Variants in COPA observed in about 807,000 individuals in gnomAD.
COPA encodes coatomer subunit alpha.
COPA carries 10 observed loss-of-function variants against 158.7 expected under a neutral mutation model. The observed-to-expected ratio is 0.06, with a 90% CI of 0.04 to 0.11. The LOEUF is 0.11. Ranked by LOEUF, COPA falls within the 10% of genes least tolerant of loss-of-function variation. The pLI, the probability that COPA is intolerant of heterozygous loss-of-function variation, is 1.00. For synonymous variants in COPA, 462 were observed against 542.8 expected, an observed-to-expected ratio of 0.85 and a Z score of 2.07; for missense variants, 1,065 against 1,536.7, an observed-to-expected ratio of 0.69 and a Z score of 5.13.
chr1:160,338,865 G>C (rs952436093), intron 3 of COPA, among the ~76,000 whole-genome samples: 2 of 151,976 alleles, frequency 1.3e-5, no homozygotes, highest in African/African-American at 4.8e-5. Context: ...CGTACTCCTT[G>C]AGCAATATCT....
intron 15 of COPA, 47 bp downstream of exon 15, chr1:160,306,307 T>C (rs1409773319): frequency 6.6e-7 from 1 of 1,526,208 alleles, no homozygotes; most frequent in Non-Finnish European, 8.8e-7. Context: ...AGATGTCCAC[T>C]CTCCCCAACT....
At chr1:160,341,875 T>C (rs1420684397) in intron 1 of COPA, among the ~76,000 whole-genome samples, 2 of 152,226 alleles carry the variant, frequency 1.3e-5, no homozygotes, top group Non-Finnish European at 2.9e-5. Flanking sequence ...TCAAATATTA[T>C]GACATCTTTG....
intron 3 of COPA, among the ~76,000 whole-genome samples, chr1:160,338,444 A>G (rs1647877179): frequency 1.3e-5 from 2 of 152,220 alleles, no homozygotes; most frequent in Admixed American, 1.3e-4. Flanking sequence ...GTTGCTTATG[A>G]AAAGACTTTA....
intron 1 of COPA, 112 bp from the exon 2 acceptor site, chr1:160,340,406 G>C: frequency 3.0e-6 from 2 of 670,158 alleles, no homozygotes; most frequent in South Asian, 1.8e-5. Context: ...TCATTCATTC[G>C]ACATGCTTGA....
Position 160,290,047 on chromosome 1 carries a change from G to C in COPA, c.*110C>G, listed in dbSNP as rs1381024267. 9.9e-7 allele frequency: 1 copy of C among 1,005,388 alleles called. No homozygotes were observed. The highest frequency in any genetic ancestry group is 1.4e-5 in the South Asian group (1 of 69,210). 62.3% of individuals were successfully genotyped at this position (1,005,388 alleles called of 1,614,324 possible). On this transcript the variant is annotated 3_prime_UTR_variant, in exon 33 of 33. Transcript: ENST00000241704. ...AAGATACTAGGTTTTAGGGTACAGAGAGCCAGATCTGAAGAGTAGCTGCAG... is the reference window on the plus strand; with the variant it reads ...AAGATACTAGGTTTTAGGGTACAGACAGCCAGATCTGAAGAGTAGCTGCAG...
intron 15 of COPA, 69 bp downstream of exon 15, chr1:160,306,284 AG>A: frequency 1.3e-6 from 2 of 1,497,654 alleles, no homozygotes; most frequent in Admixed American, 2.4e-5. Flanking sequence ...TGGGGAAAAA[AG>A]GTTCCCACTA....
chr1:160,306,600 A>G, intron 14 of COPA, 107 bp from the exon 15 acceptor site: 1 of 1,424,440 alleles, frequency 7.0e-7, no homozygotes, highest in African/African-American at 1.4e-5. Context: ...TTAACTAAGT[A>G]TTTTTTGTCC....
intron 3 of COPA, chr1:160,339,363 T>C (rs756253422): frequency 6.6e-6 from 1 of 152,398 alleles, no homozygotes; most frequent in South Asian, 2.1e-4. Flanking sequence ...AAATCTGGTA[T>C]CACTCCTGTA....
chr1:160,304,602 T>G (rs1041827045), intron 17 of COPA, among the ~76,000 whole-genome samples: 2 of 151,912 alleles, frequency 1.3e-5, no homozygotes, highest in African/African-American at 4.8e-5. Context: ...AGGCGGAGGT[T>G]GCAGTGAGCC....
At chr1:160,305,638 G>T in intron 16 of COPA, 50 bp downstream of exon 16, 1 of 1,614,090 alleles carries the variant, frequency 6.2e-7, no homozygotes, top group Non-Finnish European at 8.5e-7. Flanking sequence ...GCAGGGATCG[G>T]GGTGGAAGGG....
chr1:160,342,464 A>T (rs1380618200), intron 1 of COPA, among the ~76,000 whole-genome samples: 1 of 152,170 alleles, frequency 6.6e-6, no homozygotes, highest in Non-Finnish European at 1.5e-5. Flanking sequence ...TAGCAAATAA[A>T]AATACGAGAT....
intron 19 of COPA, 38 bp from the exon 20 acceptor site, chr1:160,297,783 A>G (rs1382281019): frequency 6.3e-7 from 1 of 1,596,528 alleles, no homozygotes; most frequent in Non-Finnish European, 8.5e-7. Context: ...AGGTTGAAGG[A>G]CAATGTGACT....
chr1:160,295,495 G>A lies in COPA; in HGVS notation c.2476+241C>T, dbSNP rs530977567. 6.6e-5 allele frequency among the ~76,000 whole-genome samples: 10 copies of A among 152,238 alleles called. No homozygotes were observed. The East Asian group carries it at 9.6e-4, about 15-fold the overall frequency. On this transcript the variant is annotated intron_variant, in intron 23 of 32. Transcript: ENST00000241704. ...AAGAAAATACACCAAAATATTAACC[G>A]AAGTTATTGATGGTAGTAGAGGGAT...
intron 8 of COPA, among the ~76,000 whole-genome samples, chr1:160,316,377 G>C (rs1345357947): frequency 2.0e-5 from 3 of 150,838 alleles, no homozygotes; most frequent in Non-Finnish European, 4.4e-5. Context: ...AGAAGTCAGA[G>C]GAAAAAATAA....
chr1:160,293,571 T>G (rs1658311581), intron 25 of COPA, 108 bp from the exon 26 acceptor site: 1 of 802,930 alleles, frequency 1.2e-6, no homozygotes, highest in African/African-American at 1.8e-5. Context: ...CTCGGCACAC[T>G]GCAACCTCTG....
chr1:160,332,171 T>C (rs1472091613), intron 6 of COPA, among the ~76,000 whole-genome samples: 1 of 152,234 alleles, frequency 6.6e-6, no homozygotes, highest in African/African-American at 2.4e-5. Context: ...TAATCAAATG[T>C]TGCAACAGTA....
Position 160,305,689 on chromosome 1 carries a change from G to C in COPA, c.1527C>G (p.His509Gln), listed in dbSNP as rs772265510. The C allele has an allele frequency of 1.2e-6, 2 of 1,614,082 alleles. No individual in the cohort carries two copies. The highest frequency in any genetic ancestry group is 1.7e-6 in the Non-Finnish European group (2 of 1,179,932). ...DMSHVALLAK[H>Q]AIVICNRKLD... ...AGGGTGGATATAATGAAGACTCACC[G>C]TGTTTGGCTAGTAGTGCTACATGTG... The change falls in exon 16 of 33, where the codon CAC becomes CAG. Residue 509 changes from histidine to glutamine, a missense_variant and splice_region_variant. Coordinates refer to ENST00000241704, the MANE Select transcript of COPA (RefSeq NM_004371.4).
intron 8 of COPA, among the ~76,000 whole-genome samples, chr1:160,318,223 G>C (rs1426633363): frequency 6.6e-6 from 1 of 152,020 alleles, no homozygotes; most frequent in Non-Finnish European, 1.5e-5. Flanking sequence ...AACTGATAAG[G>C]AGAGAGTAAT....
intron 8 of COPA, among the ~76,000 whole-genome samples, chr1:160,321,630 G>C (rs372299316): frequency 2.2e-4 from 34 of 152,036 alleles, no homozygotes; most frequent in African/African-American, 8.0e-4. Context: ...TCTAAAAAAA[G>C]TACAAAAATT....
Sources: allele counts gnomAD v4.1 joint callset (sites outside exome capture counted in the v4.1 genomes callset), GRCh38; gene constraint gnomAD v4.1.1; transcripts MANE v1.5; gene names NCBI Gene and HGNC (gene_info 2026-07-23, HGNC 2026-07-21).